The following AURKC variants were observed in gnomAD, a reference collection of about 807,000 sequenced individuals.
AURKC encodes ARK-3.
A neutral mutation model predicts 29.2 loss-of-function variants in AURKC; 15 were observed. The ratio of observed to expected loss-of-function variants is 0.51; its 90% CI spans 0.34 to 0.79. The LOEUF is 0.79. AURKC is among the 30% of genes least tolerant of loss of function. The pLI is 0.01. For synonymous variants in AURKC, 150 were observed against 149.9 expected (o/e 1.00, Z -0.01); for missense variants, 332 against 383.2 (o/e 0.87, Z 1.12).
At position 57,232,235 on chromosome 19, in the gene AURKC, T is replaced by C. The variant is rs753065966; in HGVS notation, c.296+11T>C. 5 of 1,613,384 alleles carry C rather than the reference T, an allele frequency of 3.1e-6. No homozygotes were observed. The highest frequency in any genetic ancestry group is 1.1e-5 in the South Asian group (1 of 91,018). On this transcript the variant is annotated intron_variant, in intron 3 of 6. Transcript: ENST00000302804. This position sits in a 1 kb window ranked among gnomAD's most constrained non-coding sequence, Gnocchi z 4.5. ...CCAGGCTCATCTACAGTAAGGACAG[T>C]CTCTGCTTCCTCTTTCATCTTTGAC...
rs2087531178 is a variant in AURKC, at chr19:57,234,933, G to A, written c.634G>A (p.Glu212Lys). 4.3e-6 allele frequency: 7 copies of A among 1,614,202 alleles called. No individual in the cohort carries two copies. The highest frequency in any genetic ancestry group is 2.7e-5 in the African/African-American group (2 of 75,042). Reference sequence around the variant, plus strand: ...GGACTACTTGCCGCCAGAAATGATTGAGGGGAGAACATATGATGAAAAGGT... The same window carrying A: ...GGACTACTTGCCGCCAGAAATGATTAAGGGGAGAACATATGATGAAAAGGT... ...TLDYLPPEMIEGRTYDEKVDL... is the reference protein window; with the variant it reads ...TLDYLPPEMIKGRTYDEKVDL... The change falls in exon 6 of 7, where the codon GAG (glutamate) becomes AAG (lysine). Residue 212 changes from glutamate (E) to lysine (K), a missense_variant. Coordinates refer to ENST00000302804, the MANE Select transcript of AURKC (RefSeq NM_001015878.2).
At position 57,232,719 on chromosome 19, in the gene AURKC, T is replaced by C. The variant is rs1177138086; in HGVS notation, c.435+39T>C. 6.2e-6 allele frequency: 10 copies of C among 1,611,818 alleles called. No individual in the cohort carries two copies. The highest frequency in any genetic ancestry group is 5.0e-5 in the Admixed American group (3 of 59,982). Reference sequence around the variant, plus strand: ...CTGGAGGCTCTGGGGTCTCTGAGTTTACTGTGGGCTGGTGGGAGCTCTGTT... The same window carrying C: ...CTGGAGGCTCTGGGGTCTCTGAGTTCACTGTGGGCTGGTGGGAGCTCTGTT... On this transcript the variant is annotated intron_variant, in intron 4 of 6. Transcript: ENST00000302804. The surrounding 1 kb of genome is among the most constrained non-coding windows in gnomAD (Gnocchi z 4.5).
At chr19:57,231,544 A>C (rs1599970770) in intron 1 of AURKC, 198 bp from the exon 2 acceptor site, 10 of 709,458 alleles carry the variant, frequency 1.4e-5, no homozygotes, top group African/African-American at 6.7e-5. Flanking sequence ...TCCCTACCTT[A>C]CCTTACTCTT....
At chr19:57,233,437 G>T (rs1599974359) in intron 4 of AURKC, 23 bp from the exon 5 acceptor site, 4 of 1,614,130 alleles carry the variant, frequency 2.5e-6, no homozygotes, top group Non-Finnish European at 8.5e-7. Flanking sequence ...CACTTCCAGG[G>T]TGACTTTTCT....
In AURKC at chr19:57,231,743, G is replaced by A. The variant is rs1384424694; in HGVS notation, c.60G>A (p.Leu20=). 1 of 1,613,308 alleles carries A rather than the reference G, an allele frequency of 6.2e-7. No individual in the cohort carries two copies. The highest frequency in any genetic ancestry group is 8.5e-7 in the Non-Finnish European group (1 of 1,179,948). The change falls in exon 2 of 7, where the codon TTG becomes TTA. Residue 20 remains leucine (L), a splice_region_variant and synonymous_variant. Coordinates refer to ENST00000302804, the MANE Select transcript of AURKC (RefSeq NM_001015878.2). ...CTCCCTCCTCCTCCTCTCTTTCAGT[G>A]GCTACAGCAAACCAAACAGCCCAGC... The part of the protein sequence containing the change: ...LGKAQPAGEE[L]ATANQTAQQP...
rs1462408257 is a variant in AURKC at position 57,233,593 on chromosome 19, A to T, written c.569A>T (p.His190Leu). Residue 190 changes from histidine (H) to leucine (L), a missense_variant, in exon 5 of 7, where the codon CAC becomes CTC. Physicochemically the swap from His to Leu is moderately conservative, Grantham distance 99. Coordinates refer to ENST00000302804, the MANE Select transcript of AURKC (RefSeq NM_001015878.2). ...ATTGCAGATTTTGGCTGGTCTGTGCACACCCCCTCCCTGAGGTAGGTCAGG... is the reference window on the plus strand; with the variant it reads ...ATTGCAGATTTTGGCTGGTCTGTGCTCACCCCCTCCCTGAGGTAGGTCAGG... The part of the protein sequence containing the change: ...VKIADFGWSV[H>L]TPSLRRKTMC... The T allele has an allele frequency of 6.2e-7, 1 of 1,613,716 alleles. No individual in the cohort carries two copies. The highest frequency in any genetic ancestry group is 8.5e-7 in the Non-Finnish European group (1 of 1,180,008).
rs777649755 is a variant in AURKC, at chr19:57,232,576, C to T, written c.331C>T (p.His111Tyr). 4 of 1,614,160 alleles carry T rather than the reference C, an allele frequency of 2.5e-6. No individual in the cohort carries two copies. Among genetic ancestry groups the T allele is most frequent in the Non-Finnish European group, 3.4e-6 (4 of 1,180,038 alleles). Residue 111 changes from histidine (H) to tyrosine (Y), a missense_variant, in exon 4 of 7, where the codon CAT (histidine) becomes TAT (tyrosine). His to Tyr is a moderately conservative substitution (Grantham distance 83). Coordinates refer to ENST00000302804, the MANE Select transcript of AURKC (RefSeq NM_001015878.2). The surrounding 1 kb of genome is among the most constrained non-coding windows in gnomAD (Gnocchi z 4.5). ...TATCCTGCGCCTGTATAACTATTTCCATGATGCACGCCGGGTGTACCTGAT... is the reference window on the plus strand; with the variant it reads ...TATCCTGCGCCTGTATAACTATTTCTATGATGCACGCCGGGTGTACCTGAT... ...PNILRLYNYF[H>Y]DARRVYLILE...
chr19:57,234,749 T>C (rs2087529404), intron 5 of AURKC, 135 bp from the exon 6 acceptor site: 1 of 1,023,742 alleles, frequency 9.8e-7, no homozygotes, highest in Admixed American at 2.2e-5. Context: ...AATTTGTCTC[T>C]CCAAACTCCT....
chr19:57,232,586 G>T lies in AURKC; in HGVS notation c.341G>T (p.Arg114Leu), dbSNP rs1051922045. 2 of 1,614,118 alleles carry T rather than the reference G, an allele frequency of 1.2e-6. No individual in the cohort carries two copies. Among genetic ancestry groups the T allele is most frequent in the Non-Finnish European group, 1.7e-6 (2 of 1,180,036 alleles). The change falls in exon 4 of 7, where the codon CGC becomes CTC. Residue 114 changes from arginine (R) to leucine (L), a missense_variant. By Grantham distance (102) the Arg-to-Leu change is moderately radical. Transcript: ENST00000302804. This position sits in a 1 kb window ranked among gnomAD's most constrained non-coding sequence, Gnocchi z 4.5. Reference protein sequence around the residue: ...LRLYNYFHDARRVYLILEYAP... With the variant: ...LRLYNYFHDALRVYLILEYAP... Reference sequence around the variant, plus strand: ...CTGTATAACTATTTCCATGATGCACGCCGGGTGTACCTGATTCTGGAATAT... The same window carrying T: ...CTGTATAACTATTTCCATGATGCACTCCGGGTGTACCTGATTCTGGAATAT...
At position 57,235,494 on chromosome 19, in the gene AURKC, T is replaced by C; in HGVS notation, c.*77T>C. 6.4e-7 allele frequency: 1 copy of C among 1,569,028 alleles called. No homozygotes were observed. The highest frequency in any genetic ancestry group is 8.7e-7 in the Non-Finnish European group (1 of 1,144,960). On this transcript the variant is annotated 3_prime_UTR_variant, in exon 7 of 7. Coordinates refer to ENST00000302804, the MANE Select transcript of AURKC (RefSeq NM_001015878.2). The stretch of plus-strand genomic sequence containing the variant: ...CTGCCACCTCATTTGTCTTTATTTT[T>C]TTCTCTTTTAAGATGTAAGATGCTA...
rs1192067559 is a variant in AURKC at position 57,232,045 on chromosome 19, A to G, written c.117A>G (p.Thr39=). 6.2e-7 allele frequency: 1 copy of G among 1,614,134 alleles called. No individual in the cohort carries two copies. Among genetic ancestry groups the G allele is most frequent in the Non-Finnish European group, 8.5e-7 (1 of 1,180,028 alleles). ...QPSSPAMRRL[T]VDDFEIGRPL... is the part of the protein sequence containing the mutation. The stretch of plus-strand genomic sequence containing the variant: ...CCTCTCCTGTCAGGCGGCGCCTCAC[A>G]GTCGATGACTTTGAAATCGGGCGTC... Residue 39 remains threonine, a synonymous_variant, in exon 3 of 7, where the codon ACA becomes ACG. Coordinates refer to ENST00000302804, the MANE Select transcript of AURKC (RefSeq NM_001015878.2). This position sits in a 1 kb window ranked among gnomAD's most constrained non-coding sequence, Gnocchi z 4.5.
In AURKC at chr19:57,235,077, G is replaced by C. The variant is rs1254312526; in HGVS notation, c.759+19G>C. On this transcript the variant is annotated intron_variant, in intron 6 of 6. Transcript: ENST00000302804. ...CCTCAAGGTGGGACAGTCACCTTTG[G>C]GCATTCATGGGGGAGCTGGTCAGTG... 6.2e-7 allele frequency: 1 copy of C among 1,613,852 alleles called. No individual in the cohort carries two copies. The highest frequency in any genetic ancestry group is 8.5e-7 in the Non-Finnish European group (1 of 1,180,036).
chr19:57,232,898 G>A lies in AURKC; in HGVS notation c.435+218G>A, dbSNP rs768231814. Among the ~76,000 whole-genome samples the A allele has an allele frequency of 5.9e-5, 9 of 152,148 alleles. No individual in the cohort carries two copies. Among genetic ancestry groups the A allele is most frequent in the East Asian group, 1.9e-4 (1 of 5,188 alleles). On this transcript the variant is annotated intron_variant, in intron 4 of 6. Transcript: ENST00000302804. This position sits in a 1 kb window ranked among gnomAD's most constrained non-coding sequence, Gnocchi z 4.5. The stretch of plus-strand genomic sequence containing the variant: ...TCTCCAGAATATTAATAAGTACTGC[G>A]TATAGGTTTGGATTCTTTGGTTATA...
intron 5 of AURKC, 84 bp from the exon 6 acceptor site, chr19:57,234,800 C>T (rs1337037825): frequency 6.4e-6 from 10 of 1,555,268 alleles, no homozygotes; most frequent in Non-Finnish European, 8.8e-6. Context: ...AGGGTCTCCA[C>T]ATCTCAATGA....
chr19:57,231,200 G>C lies in AURKC; in HGVS notation c.-49G>C. 1 of 1,551,614 alleles carries C rather than the reference G, an allele frequency of 6.4e-7. No homozygotes were observed. Among genetic ancestry groups the C allele is most frequent in the Non-Finnish European group, 8.7e-7 (1 of 1,146,976 alleles). On this transcript the variant is annotated 5_prime_UTR_variant, in exon 1 of 7. Coordinates refer to ENST00000302804, the MANE Select transcript of AURKC (RefSeq NM_001015878.2). ...TTTCAGGACCCTGTGAACGGGAACA[G>C]CCATCCAGAGGGTTCAGGAAGGCGT...
intron 5 of AURKC, among the ~76,000 whole-genome samples, chr19:57,234,053 CTTTTT>C (rs10586926): frequency 8.3e-4 from 94 of 112,592 alleles, no homozygotes; most frequent in African/African-American, 1.7e-3. Flanking sequence ...TTTTTCTTTT[CTTTTT>C]TTTTTTTTTT....
In AURKC at chr19:57,231,037, G is replaced by C. The variant is rs1191923301; in HGVS notation, c.-212G>C. 3.4e-6 allele frequency: 4 copies of C among 1,161,864 alleles called. No individual in the cohort carries two copies. The highest frequency in any genetic ancestry group is 2.5e-5 in the East Asian group (1 of 39,444). 72.0% of individuals were successfully genotyped at this position (1,161,864 alleles called of 1,614,324 possible). ...AGTACCTCTCTGAGCGGTTGGTGCC[G>C]GGTATAAAAGAAGGCCGCGCAGCCA... is the stretch of plus-strand genomic sequence containing the variant. On this transcript the variant is annotated 5_prime_UTR_variant, in exon 1 of 7. Transcript: ENST00000302804.
At chr19:57,231,712 T>TCCTATCTCCCTC (rs2087492678) in intron 1 of AURKC, 30 bp from the exon 2 acceptor site, 1 of 1,612,090 alleles carries the variant, frequency 6.2e-7, no homozygotes, top group Non-Finnish European at 8.5e-7. Flanking sequence ...CCCTCTCCCT[T>TCCTATCTCCCTC]CCTATCTCCC....
At chr19:57,233,204 T>C (rs2122805450) in intron 4 of AURKC, among the ~76,000 whole-genome samples, 1 of 152,338 alleles carries the variant, frequency 6.6e-6, no homozygotes, top group African/African-American at 2.4e-5. Context: ...ATGTAGGTTC[T>C]ATGTCTGGCT....
Sources: allele counts gnomAD v4.1 joint callset (sites outside exome capture counted in the v4.1 genomes callset), GRCh38; gene constraint gnomAD v4.1.1; non-coding constraint Gnocchi (gnomAD v3.1); transcripts MANE v1.5; gene names NCBI Gene and HGNC (gene_info 2026-07-23, HGNC 2026-07-21).